The following ZNF423 variants were observed in gnomAD, a reference collection of about 807,000 sequenced individuals.
The protein encoded by ZNF423 is Ebf-associated zinc finger protein.
ZNF423 carries 12 observed loss-of-function variants against 95.8 expected under a neutral mutation model. The ratio of observed to expected loss-of-function variants is 0.13; its 90% CI spans 0.08 to 0.20. The LOEUF (loss-of-function observed/expected upper bound fraction) is 0.20. Among genes scored for constraint, ZNF423 ranks in the 10% least tolerant of loss-of-function variants. The probability of loss-of-function intolerance (pLI) is 1.00; values close to 1 mark genes in which losing one functional copy is unlikely to be tolerated. For synonymous variants in ZNF423, 749 were observed against 711.9 expected (o/e 1.05, Z -0.83); for missense variants, 1,316 against 1,737.1 (o/e 0.76, Z 4.31).
intron 2 of ZNF423, among the ~76,000 whole-genome samples, chr16:49,783,596 A>T (rs2034254463): frequency 1.1e-5 from 1 of 94,686 alleles, no homozygotes; most frequent in African/African-American, 4.3e-5. Context: ...GTGTAGGGGT[A>T]GGTTTCGTAC....
intron 5 of ZNF423, among the ~76,000 whole-genome samples, chr16:49,619,555 G>A (rs1046439722): frequency 6.6e-6 from 1 of 151,632 alleles, no homozygotes; most frequent in African/African-American, 2.4e-5. Context: ...AGGGGGAAGT[G>A]ACTATGCCCT....
At chr16:49,718,016 G>A (rs558792206) in intron 3 of ZNF423, among the ~76,000 whole-genome samples, 68 of 152,274 alleles carry the variant, frequency 4.5e-4, no homozygotes, top group Admixed American at 9.8e-4. Flanking sequence ...CAAAGTTATC[G>A]AGGGGCCCAG....
chr16:49,732,720 A>G (rs528678960), intron 2 of ZNF423, among the ~76,000 whole-genome samples: 3 of 152,324 alleles, frequency 2.0e-5, no homozygotes, highest in Non-Finnish European at 2.9e-5. Context: ...AGTCCTGTGA[A>G]TATTTCAATT....
chr16:49,634,290 C>A (rs576072119), intron 4 of ZNF423, among the ~76,000 whole-genome samples: 3 of 151,670 alleles, frequency 2.0e-5, no homozygotes, highest in African/African-American at 7.3e-5. Flanking sequence ...CTAACTGCAG[C>A]CTTGATCTTC....
chr16:49,549,335 C>T (rs1163065208), intron 5 of ZNF423, among the ~76,000 whole-genome samples: 1 of 151,694 alleles, frequency 6.6e-6, no homozygotes, highest in Non-Finnish European at 1.5e-5. Context: ...CCTGCCTGCA[C>T]CCCCCAGAGC....
rs1007463970 is a variant in ZNF423, at chr16:49,811,906, C to G, written c.41-22360G>C. 2.6e-5 allele frequency among the ~76,000 whole-genome samples: 4 copies of G among 152,212 alleles called. No individual in the cohort carries two copies. The East Asian group carries it at 7.7e-4, about 29-fold the overall frequency. ...CCAGAAAGAGATTCCGTTCCCCATG[C>G]CCTGCTGAGAGCCATTTGCTCATCT... On this transcript the variant is annotated intron_variant, in intron 1 of 7. Transcript: ENST00000563137.
chr16:49,752,714 C>T (rs1185688626), intron 2 of ZNF423, among the ~76,000 whole-genome samples: 2 of 152,176 alleles, frequency 1.3e-5, no homozygotes, highest in Admixed American at 1.3e-4. Context: ...GATGCATCCC[C>T]GTGTGACCCT....
intron 3 of ZNF423, among the ~76,000 whole-genome samples, chr16:49,721,903 T>C (rs1413849753): frequency 6.6e-6 from 1 of 152,172 alleles, no homozygotes; most frequent in Non-Finnish European, 1.5e-5. Context: ...CCTTCTATAT[T>C]GTTAATTTGT....
chr16:49,752,162 A>G (rs528452117), intron 2 of ZNF423, among the ~76,000 whole-genome samples: 4 of 152,334 alleles, frequency 2.6e-5, no homozygotes, highest in Admixed American at 2.0e-4. Flanking sequence ...GAATCAAAGA[A>G]TGCGGGCCAC....
chr16:49,554,820 T>C (rs1969766623), intron 5 of ZNF423, among the ~76,000 whole-genome samples: 1 of 151,950 alleles, frequency 6.6e-6, no homozygotes, highest in Non-Finnish European at 1.5e-5. Context: ...TTGGTCTGTT[T>C]CCCTCTGAAG....
intron 3 of ZNF423, among the ~76,000 whole-genome samples, chr16:49,696,198 G>A (rs1181512173): frequency 6.6e-6 from 1 of 152,202 alleles, no homozygotes; most frequent in African/African-American, 2.4e-5. Flanking sequence ...TCGCTTGAAT[G>A]ACAAAGGTCT....
intron 4 of ZNF423, among the ~76,000 whole-genome samples, chr16:49,632,713 T>C (rs528622331): frequency 3.4e-4 from 52 of 152,304 alleles, no homozygotes; most frequent in Non-Finnish European, 7.2e-4. Flanking sequence ...GCAAGGTTCC[T>C]GGATTGTTGC....
At chr16:49,651,772 A>G (rs1567533355) in intron 3 of ZNF423, among the ~76,000 whole-genome samples, 3 of 151,534 alleles carry the variant, frequency 2.0e-5, no homozygotes, top group Non-Finnish European at 4.4e-5. Context: ...ACTGGCTCCC[A>G]AATCACCATA....
At chr16:49,560,266 G>T (rs1209205474) in intron 5 of ZNF423, among the ~76,000 whole-genome samples, 4 of 152,134 alleles carry the variant, frequency 2.6e-5, no homozygotes, top group Non-Finnish European at 5.9e-5. Context: ...AGGGAAACTT[G>T]GCCAATCATT....
intron 2 of ZNF423, among the ~76,000 whole-genome samples, chr16:49,761,725 C>G (rs2033836143): frequency 6.6e-6 from 1 of 152,190 alleles, no homozygotes; most frequent in African/African-American, 2.4e-5. Flanking sequence ...CACTAACCAG[C>G]TAATTCTGAA....
In ZNF423 at chr16:49,636,645, G is replaced by T; in HGVS notation, c.2531C>A (p.Ala844Glu). ...CCCATTGGCCGTGCCGTTCTCGGTC[G>T]CAGCATCAAACACACAGTGCTTCTC... is the stretch of plus-strand genomic sequence containing the variant. ...LREKHCVFDAATENGTANGVP... is the reference protein window; with the variant it reads ...LREKHCVFDAETENGTANGVP... The change falls in exon 4 of 8, where the codon GCG becomes GAG. Residue 844 changes from alanine (A) to glutamate (E), a missense_variant. Ala to Glu is a moderately radical substitution (Grantham distance 107). Transcript: ENST00000563137. This position sits in a 1 kb window ranked among gnomAD's most constrained non-coding sequence, Gnocchi z 8.6. 1 of 1,614,012 alleles carries T rather than the reference G, an allele frequency of 6.2e-7. No homozygotes were observed. Among genetic ancestry groups the T allele is most frequent in the Non-Finnish European group, 8.5e-7 (1 of 1,179,994 alleles).
At chr16:49,685,137 CAGGGCCTCCCTCTGG>C (rs1567289265) in intron 3 of ZNF423, among the ~76,000 whole-genome samples, 1 of 152,160 alleles carries the variant, frequency 6.6e-6, no homozygotes. Flanking sequence ...AGCTCAAGCT[CAGGGCCTCCCTCTGG>C]AAGGTAGCAG....
intron 2 of ZNF423, among the ~76,000 whole-genome samples, chr16:49,758,538 T>C (rs1045642189): frequency 2.6e-5 from 4 of 152,074 alleles, no homozygotes; most frequent in Non-Finnish European, 4.4e-5. Context: ...AGCCAGGACT[T>C]CAAGACCAAC....
intron 5 of ZNF423, among the ~76,000 whole-genome samples, chr16:49,562,277 G>T (rs764408137): frequency 6.6e-6 from 1 of 152,212 alleles, no homozygotes; most frequent in Non-Finnish European, 1.5e-5. Context: ...ACATCAGACA[G>T]GTCTCAGTCC....
Sources: allele counts gnomAD v4.1 joint callset (sites outside exome capture counted in the v4.1 genomes callset), GRCh38; gene constraint gnomAD v4.1.1; non-coding constraint Gnocchi (gnomAD v3.1); transcripts MANE v1.5; gene names NCBI Gene and HGNC (gene_info 2026-07-23, HGNC 2026-07-21).